The following SESN3 variants were observed in gnomAD, a reference collection of about 807,000 sequenced individuals.
SESN3 encodes the protein sestrin 3.
A neutral mutation model predicts 55.3 loss-of-function variants in SESN3; 21 were observed. The ratio of observed to expected loss-of-function variants is 0.38; its 90% CI spans 0.27 to 0.55. The LOEUF (loss-of-function observed/expected upper bound fraction) is 0.55, where lower values mean the gene tolerates loss of function less well. Ranked by LOEUF, SESN3 falls within the 20% of genes least tolerant of loss-of-function variation. The pLI is 0.76. For missense variants in SESN3, 408 were observed against 604.3 expected (o/e 0.68, Z 3.41); for synonymous variants, 181 against 203.1 (o/e 0.89, Z 0.93).
At chr11:95,173,433 A>T in intron 9 of SESN3, 92 bp from the exon 10 acceptor site, 12 of 650,938 alleles carry the variant, frequency 1.8e-5, no homozygotes, top group Non-Finnish European at 3.1e-5. Flanking sequence ...TGTGTATATA[A>T]GCAATATACA....
rs1035746793 is a variant in SESN3 at position 95,169,712 on chromosome 11, A to C, written c.*3543T>G. 3.9e-5 allele frequency: 6 copies of C among 152,182 alleles called. No homozygotes were observed. The highest frequency in any genetic ancestry group is 7.2e-5 in the African/African-American group (3 of 41,454). The allele number at this position is 152,182 out of a possible 1,614,324, so 9.4% of individuals were successfully genotyped here. On this transcript the variant is annotated 3_prime_UTR_variant, in exon 10 of 10. Coordinates refer to ENST00000536441, the MANE Select transcript of SESN3 (RefSeq NM_144665.4). The stretch of plus-strand genomic sequence containing the variant: ...CCACTAAAAATGGTGTACTATTTTA[A>C]GTACAGATCTTTAATTGTTGATCAT...
At chr11:95,207,872 T>TGATG (rs1860579983) in intron 1 of SESN3, among the ~76,000 whole-genome samples, 1 of 151,264 alleles carries the variant, frequency 6.6e-6, no homozygotes, top group Non-Finnish European at 1.5e-5. Context: ...CTGGGTTTCA[T>TGATG]CATGTTGCCC....
At chr11:95,203,091 G>A (rs1459444508) in intron 1 of SESN3, among the ~76,000 whole-genome samples, 1 of 152,076 alleles carries the variant, frequency 6.6e-6, no homozygotes, top group Admixed American at 6.6e-5. Flanking sequence ...TGGTGTATGA[G>A]GGACAAGTGG....
In SESN3 at chr11:95,166,886, A is replaced by C. The variant is rs1188272929; in HGVS notation, c.*6369T>G. 1 of 152,202 alleles carries C rather than the reference A, an allele frequency of 6.6e-6. No individual in the cohort carries two copies. Among genetic ancestry groups the C allele is most frequent in the East Asian group, 1.9e-4 (1 of 5,198 alleles). 9.4% of individuals were successfully genotyped at this position (152,202 alleles called of 1,614,324 possible). ...CAGAGAAGACTAAATAATGCAAAGG[A>C]AATATCTGCACTAGATATATAGTTT... On this transcript the variant is annotated 3_prime_UTR_variant, in exon 10 of 10. Coordinates refer to ENST00000536441, the MANE Select transcript of SESN3 (RefSeq NM_144665.4).
Position 95,172,140 on chromosome 11 carries a change from G to C in SESN3, c.*1115C>G, listed in dbSNP as rs1178029922. On this transcript the variant is annotated 3_prime_UTR_variant, in exon 10 of 10. Transcript: ENST00000536441. ...TATGACAGGGGGAAAGTTTAGTTGA[G>C]TATTTTTTGAACATATTGCACTCTG... is the stretch of plus-strand genomic sequence containing the variant. 6.6e-6 allele frequency: 1 copy of C among 152,078 alleles called. No individual in the cohort carries two copies. Among genetic ancestry groups the C allele is most frequent in the African/African-American group, 2.4e-5 (1 of 41,406 alleles). 9.4% of individuals were successfully genotyped at this position (152,078 alleles called of 1,614,324 possible). A position where few individuals can be genotyped will look rare whatever the true frequency, so the allele number is the denominator to read the frequency against.
intron 1 of SESN3, among the ~76,000 whole-genome samples, chr11:95,217,277 T>C (rs1355798819): frequency 6.6e-6 from 1 of 152,188 alleles, no homozygotes; most frequent in Non-Finnish European, 1.5e-5. Context: ...TTCTCCCATA[T>C]GTAATCATAA....
intron 6 of SESN3, chr11:95,184,133 AAT>A (rs980460544): frequency 1.2e-5 from 5 of 403,600 alleles, no homozygotes; most frequent in African/African-American, 4.1e-5. Flanking sequence ...GGATAAATTA[AAT>A]ATGTCTATCT....
At chr11:95,202,415 C>G (rs1860475499) in intron 1 of SESN3, among the ~76,000 whole-genome samples, 1 of 151,948 alleles carries the variant, frequency 6.6e-6, no homozygotes, top group Admixed American at 6.6e-5. Flanking sequence ...AAACACAGTC[C>G]TAAACATCAA....
chr11:95,211,342 G>A (rs1410284979), intron 1 of SESN3, among the ~76,000 whole-genome samples: 1 of 152,168 alleles, frequency 6.6e-6, no homozygotes, highest in East Asian at 1.9e-4. Context: ...TCCAGTGTTA[G>A]GTATTATACG....
intron 1 of SESN3, among the ~76,000 whole-genome samples, chr11:95,228,479 C>CT (rs1860989092): frequency 6.6e-6 from 1 of 152,116 alleles, no homozygotes; most frequent in South Asian, 2.1e-4. Context: ...AAGATAAACT[C>CT]TAAGAATCAC....
intron 1 of SESN3, among the ~76,000 whole-genome samples, chr11:95,216,370 T>C (rs1860757036): frequency 2.0e-5 from 3 of 152,328 alleles, no homozygotes; most frequent in Admixed American, 2.0e-4. Context: ...CTAGAGGACA[T>C]ATTACTTCAT....
intron 1 of SESN3, among the ~76,000 whole-genome samples, chr11:95,222,349 CAAAG>C (rs1282207810): frequency 6.6e-6 from 1 of 152,054 alleles, no homozygotes; most frequent in African/African-American, 2.4e-5. Flanking sequence ...AACAAAGAAA[CAAAG>C]AAGTCCAGGC....
At chr11:95,218,647 CTT>C (rs68150878) in intron 1 of SESN3, among the ~76,000 whole-genome samples, 27 of 122,042 alleles carry the variant, frequency 2.2e-4, no homozygotes, top group Non-Finnish European at 3.3e-4. Context: ...GATTTACCCT[CTT>C]TTTTTTTTTT....
intron 1 of SESN3, among the ~76,000 whole-genome samples, chr11:95,211,694 C>CG (rs1565473200): frequency 1.3e-5 from 2 of 151,980 alleles, no homozygotes; most frequent in Admixed American, 6.6e-5. Context: ...CACTTGAACC[C>CG]GGGAGGCGGA....
intron 5 of SESN3, 83 bp from the exon 6 acceptor site, chr11:95,184,677 C>G (rs2134227775): frequency 7.8e-7 from 1 of 1,283,942 alleles, no homozygotes; most frequent in East Asian, 2.3e-5. Flanking sequence ...TGTCACCTTA[C>G]TATGTACAGC....
intron 9 of SESN3, 122 bp from the exon 10 acceptor site, chr11:95,173,463 A>G (rs1251320239): frequency 6.2e-6 from 3 of 482,268 alleles, no homozygotes; most frequent in Non-Finnish European, 1.1e-5. Flanking sequence ...ACACCTAGGC[A>G]TATTTATCCA....
At position 95,230,939 on chromosome 11, in the gene SESN3, GT is replaced by G; in HGVS notation, c.-80del. 1 of 932,908 alleles carries G rather than the reference GT, an allele frequency of 1.1e-6. No individual in the cohort carries two copies. Among genetic ancestry groups the G allele is most frequent in the Non-Finnish European group, 1.5e-6 (1 of 679,958 alleles). 57.8% of individuals were successfully genotyped at this position (932,908 alleles called of 1,614,324 possible). A position where few individuals can be genotyped will look rare whatever the true frequency, so the allele number is the denominator to read the frequency against. On this transcript the variant is annotated 5_prime_UTR_variant, in exon 1 of 10. Transcript: ENST00000536441. This position sits in a 1 kb window ranked among gnomAD's most constrained non-coding sequence, Gnocchi z 4.6. Reference sequence around the variant, plus strand: ...ACTGCGGCCACTGCAGGGCCGGTCCGTCCCCCCGCCGCCAGCCGCGATTCCG... The same window carrying G: ...ACTGCGGCCACTGCAGGGCCGGTCCGCCCCCCGCCGCCAGCCGCGATTCCG...
At chr11:95,193,954 C>T (rs1328222874) in intron 1 of SESN3, among the ~76,000 whole-genome samples, 1 of 151,942 alleles carries the variant, frequency 6.6e-6, no homozygotes, top group Non-Finnish European at 1.5e-5. Flanking sequence ...CTTTTTTTCC[C>T]CTAAAATAGC....
chr11:95,171,982 A>T lies in SESN3; in HGVS notation c.*1273T>A, dbSNP rs201258376. The T allele has an allele frequency of 6.6e-6, 1 of 152,158 alleles. No homozygotes were observed. The highest frequency in any genetic ancestry group is 1.5e-5 in the Non-Finnish European group (1 of 68,002). The allele number at this position is 152,158 out of a possible 1,614,324, so 9.4% of individuals were successfully genotyped here. A position where few individuals can be genotyped will look rare whatever the true frequency, so the allele number is the denominator to read the frequency against. ...GTTGTCCAAGGAGATTTTTCTGGGG[A>T]AGGGAATGCTTTGGCATTATGAAAG... On this transcript the variant is annotated 3_prime_UTR_variant, in exon 10 of 10. Coordinates refer to ENST00000536441, the MANE Select transcript of SESN3 (RefSeq NM_144665.4).
Sources: allele counts gnomAD v4.1 joint callset (sites outside exome capture counted in the v4.1 genomes callset), GRCh38; gene constraint gnomAD v4.1.1; non-coding constraint Gnocchi (gnomAD v3.1); transcripts MANE v1.5; gene names NCBI Gene and HGNC (gene_info 2026-07-23, HGNC 2026-07-21).